Variants in UBE2F observed in about 807,000 individuals in gnomAD.
UBE2F encodes NEDD8-conjugating enzyme UBE2F.
Under a neutral mutation model 29.6 loss-of-function variants are expected in UBE2F, and 5 were observed. The ratio of observed to expected loss-of-function variants is 0.17; its 90% confidence interval spans 0.09 to 0.36. UBE2F has a LOEUF of 0.36. Among genes scored for constraint, UBE2F ranks in the 10% least tolerant of loss-of-function variants. UBE2F has a pLI of 1.00. For synonymous variants in UBE2F, 66 were observed against 81.8 expected, an observed-to-expected ratio of 0.81 and a Z score of 1.04; for missense variants, 141 against 228.5, an observed-to-expected ratio of 0.62 and a Z score of 2.47.
At chr2:238,026,818 C>T (rs936883116) in intron 6 of UBE2F, among the ~76,000 whole-genome samples, 1 of 152,150 alleles carries the variant, frequency 6.6e-6, no homozygotes, top group Non-Finnish European at 1.5e-5. Flanking sequence ...ATATCAGCCT[C>T]GTTTTTCACA....
intron 5 of UBE2F, among the ~76,000 whole-genome samples, chr2:238,019,614 C>T (rs966303313): frequency 2.7e-5 from 4 of 150,268 alleles, no homozygotes; most frequent in African/African-American, 9.8e-5. Flanking sequence ...GATCTGCCCG[C>T]CACGGCCTCC....
chr2:237,992,952 T>C (rs1439997271), intron 3 of UBE2F, among the ~76,000 whole-genome samples: 1 of 151,950 alleles, frequency 6.6e-6, no homozygotes, highest in African/African-American at 2.4e-5. Flanking sequence ...AGACAAAATA[T>C]CATAGTAAAT....
intron 8 of UBE2F, among the ~76,000 whole-genome samples, chr2:238,033,219 G>T (rs1317135143): frequency 6.6e-6 from 1 of 152,224 alleles, no homozygotes; most frequent in African/African-American, 2.4e-5. Flanking sequence ...GAAGTTTGCT[G>T]TTCTCAGGAA....
rs972479222 is a variant in UBE2F, at chr2:238,002,121, T to G, written c.214+7312T>G. Among the ~76,000 whole-genome samples, 3 of 147,412 alleles carry G rather than the reference T, an allele frequency of 2.0e-5. No homozygotes were observed. The Admixed American group carries it at 2.1e-4, about 10-fold the overall frequency. On this transcript the variant is annotated intron_variant, in intron 4 of 9. Coordinates refer to ENST00000272930, the MANE Select transcript of UBE2F (RefSeq NM_080678.3). ...CTCTGTTGCCCAGGCTGGAGTGCAG[T>G]GACACAAATCTCAGCTCACTGCAAC...
intron 2 of UBE2F, among the ~76,000 whole-genome samples, chr2:237,981,865 G>T (rs1002346504): frequency 6.6e-6 from 1 of 151,924 alleles, no homozygotes; most frequent in African/African-American, 2.4e-5. Flanking sequence ...GAGCTCATGC[G>T]ATCTGCCCTT....
chr2:237,999,475 T>G (rs2106359810), intron 4 of UBE2F, among the ~76,000 whole-genome samples: 1 of 152,338 alleles, frequency 6.6e-6, no homozygotes, highest in African/African-American at 2.4e-5. Context: ...AAATATATGC[T>G]CCTATGTTTT....
At position 237,967,235 on chromosome 2, in the gene UBE2F, C is replaced by G; in HGVS notation, c.-17+103C>G. ...AGGGCGCGGGCGGTGGCGGGGCCGC[C>G]TCGGGCCCGCCGGGTTCCTCACGCC... On this transcript the variant is annotated intron_variant, in intron 1 of 9. Transcript: ENST00000272930. This position sits in a 1 kb window ranked among gnomAD's most constrained non-coding sequence, Gnocchi z 6.3. 1.2e-6 allele frequency: 1 copy of G among 802,540 alleles called. No homozygotes were observed. Among genetic ancestry groups the G allele is most frequent in the Non-Finnish European group, 1.5e-6 (1 of 663,580 alleles). 49.7% of individuals were successfully genotyped at this position (802,540 alleles called of 1,614,324 possible).
chr2:238,009,778 G>C (rs981935497), intron 4 of UBE2F, among the ~76,000 whole-genome samples: 1 of 152,156 alleles, frequency 6.6e-6, no homozygotes, highest in African/African-American at 2.4e-5. Context: ...TCTGATCTGA[G>C]ATGGATCAGA....
intron 4 of UBE2F, among the ~76,000 whole-genome samples, chr2:238,007,329 C>T (rs1422816372): frequency 1.3e-5 from 2 of 149,976 alleles, no homozygotes; most frequent in East Asian, 2.0e-4. Flanking sequence ...ACCATATTGG[C>T]CAGGCTGGTC....
chr2:237,991,609 C>CTTTCTTTCTTTTTTTTTTTTTTTTTTTT (rs57180067), intron 3 of UBE2F, among the ~76,000 whole-genome samples: 12 of 53,052 alleles, frequency 2.3e-4, no homozygotes, highest in South Asian at 6.0e-4. Flanking sequence ...TTCTTTCTTT[C>CTTTCTTTCTTTTTTTTTTTTTTTTTTTT]TTTTTTTTTT....
intron 9 of UBE2F, 110 bp from the exon 10 acceptor site, chr2:238,041,178 C>A: frequency 3.7e-6 from 4 of 1,076,470 alleles, no homozygotes; most frequent in Non-Finnish European, 5.7e-6. Context: ...ACCTTGGCGA[C>A]CACAGGGGAC....
chr2:238,040,187 G>A lies in UBE2F; in HGVS notation c.508-1101G>A, dbSNP rs1559232537. Among the ~76,000 whole-genome samples the A allele has an allele frequency of 6.6e-6, 1 of 152,238 alleles. No individual in the cohort carries two copies. The highest frequency in any genetic ancestry group is 6.5e-5 in the Admixed American group (1 of 15,286). On this transcript the variant is annotated intron_variant, in intron 9 of 9. Transcript: ENST00000272930. This position sits in a 1 kb window ranked among gnomAD's most constrained non-coding sequence, Gnocchi z 4.4. ...CTTGCCCGCCCTGGAAAGGGTCGCT[G>A]TGCTAACTAAAAGTGTGGCAGGAGG...
At chr2:238,029,498 G>A (rs1311826254) in intron 6 of UBE2F, among the ~76,000 whole-genome samples, 1 of 151,972 alleles carries the variant, frequency 6.6e-6, no homozygotes, top group Non-Finnish European at 1.5e-5. Flanking sequence ...AGGAGGCTGA[G>A]GCAGGAGAAT....
intron 6 of UBE2F, among the ~76,000 whole-genome samples, chr2:238,030,177 C>T (rs931195132): frequency 1.3e-5 from 2 of 152,112 alleles, no homozygotes; most frequent in Non-Finnish European, 2.9e-5. Flanking sequence ...TATCTTCCCA[C>T]CTTGCCTCGG....
At chr2:237,978,211 C>T (rs999829591) in intron 2 of UBE2F, among the ~76,000 whole-genome samples, 5 of 152,170 alleles carry the variant, frequency 3.3e-5, no homozygotes, top group Non-Finnish European at 5.9e-5. Flanking sequence ...CCACCAAATC[C>T]CTGAAAGGGC....
At chr2:237,989,198 G>T (rs1460056657) in intron 3 of UBE2F, among the ~76,000 whole-genome samples, 1 of 152,162 alleles carries the variant, frequency 6.6e-6, no homozygotes, top group Non-Finnish European at 1.5e-5. Flanking sequence ...GTGAGTGCTA[G>T]AGAGAACTTA....
At chr2:237,988,092 A>G in intron 3 of UBE2F, 100 bp downstream of exon 3, 2 of 674,018 alleles carry the variant, frequency 3.0e-6, no homozygotes, top group Non-Finnish European at 4.9e-6. Context: ...CCTATTTTTC[A>G]TGTATGTTAG....
At position 238,016,580 on chromosome 2, in the gene UBE2F, CA is replaced by C; in HGVS notation, c.230del (p.Gln77ArgfsTer22). ...LTVTPDEGYY[Q>X]GGKFQFETEV... ...TTTTTTGATAGATGAGGGTTACTACCAGGGTGGAAAATTTCAGTTTGAAACT... is the reference window on the plus strand; with the variant it reads ...TTTTTTGATAGATGAGGGTTACTACCGGGTGGAAAATTTCAGTTTGAAACT... On this transcript the variant is annotated frameshift_variant, in exon 5 of 10. Coordinates refer to ENST00000272930, the MANE Select transcript of UBE2F (RefSeq NM_080678.3). LOFTEE classifies it high-confidence loss of function. 6.2e-7 allele frequency: 1 copy of C among 1,612,310 alleles called. No homozygotes were observed. Among genetic ancestry groups the C allele is most frequent in the Non-Finnish European group, 8.5e-7 (1 of 1,179,362 alleles).
chr2:238,037,772 A>G (rs2064748705), intron 9 of UBE2F, among the ~76,000 whole-genome samples: 1 of 152,048 alleles, frequency 6.6e-6, no homozygotes. Context: ...CACTGGGCTA[A>G]TTTTTGTATT....
Sources: allele counts gnomAD v4.1 joint callset (sites outside exome capture counted in the v4.1 genomes callset), GRCh38; gene constraint gnomAD v4.1.1; non-coding constraint Gnocchi (gnomAD v3.1); transcripts MANE v1.5; gene names NCBI Gene and HGNC (gene_info 2026-07-23, HGNC 2026-07-21).